The following PCDH15 variants were observed in gnomAD, a reference collection of about 807,000 sequenced individuals.
PCDH15 encodes the protein protocadherin-15.
Under a neutral mutation model 178.5 loss-of-function variants are expected in PCDH15, and 129 were observed. The ratio of observed to expected loss-of-function variants is 0.72; its 90% CI spans 0.63 to 0.84. PCDH15 has a LOEUF of 0.84. Ranked by LOEUF, PCDH15 falls within the 40% of genes least tolerant of loss-of-function variation. The pLI is 0.00. For synonymous variants in PCDH15, 800 were observed against 732.0 expected, an observed-to-expected ratio of 1.09 and a Z score of -1.50; for missense variants, 2,230 against 2,099.9, an observed-to-expected ratio of 1.06 and a Z score of -1.21.
At chr10:54,007,795 T>C (rs1013679727) in intron 20 of PCDH15, among the ~76,000 whole-genome samples, 3 of 152,210 alleles carry the variant, frequency 2.0e-5, no homozygotes, top group African/African-American at 7.2e-5. Context: ...ATGTTTCTGC[T>C]CATTTTGAAA....
rs1451667754 is a variant in PCDH15 at position 54,446,923 on chromosome 10, A to T, written c.158-67981T>A. Among the ~76,000 whole-genome samples the T allele has an allele frequency of 2.0e-5, 3 of 151,602 alleles. No individual in the cohort carries two copies. In the Admixed American group the frequency reaches 2.0e-4, roughly 10 times the overall value. ...AAAGAATGCCTATAAGATTGTTGCAACTAACTGTTGAGACCCAGAAGTCTG... is the reference window on the plus strand; with the variant it reads ...AAAGAATGCCTATAAGATTGTTGCATCTAACTGTTGAGACCCAGAAGTCTG... On this transcript the variant is annotated intron_variant, in intron 3 of 37. Transcript: ENST00000644397.
At chr10:55,364,087 C>G (rs1157352089) in intron 2 of PCDH15, among the ~76,000 whole-genome samples, 1 of 151,996 alleles carries the variant, frequency 6.6e-6, no homozygotes, top group African/African-American at 2.4e-5. Context: ...CTCACGAAAT[C>G]TATTGGTTTT....
intron 13 of PCDH15, among the ~76,000 whole-genome samples, chr10:54,172,429 G>A (rs373262276): frequency 2.0e-5 from 3 of 151,802 alleles, no homozygotes; most frequent in South Asian, 2.1e-4. Context: ...GACTCAGCCC[G>A]CCTGCACCCG....
In PCDH15 at chr10:54,231,416, T is replaced by A. The variant is rs142836994; in HGVS notation, c.985+5407A>T. ...AAGGATGTATGGAAATGTCTGGATG[T>A]CCAGGCAGAAATCTGCTGCAGGGGT... On this transcript the variant is annotated intron_variant, in intron 9 of 37. Transcript: ENST00000644397. 3.9e-3 allele frequency among the ~76,000 whole-genome samples: 595 copies of A among 152,342 alleles called. 3 individuals are homozygous for A. Among genetic ancestry groups the A allele is most frequent in the African/African-American group, 0.013 (561 of 41,582 alleles).
At chr10:55,273,449 C>A (rs1240744337) in intron 1 of PCDH15, among the ~76,000 whole-genome samples, 1 of 152,012 alleles carries the variant, frequency 6.6e-6, no homozygotes, top group Non-Finnish European at 1.5e-5. Flanking sequence ...AAGCTATTAT[C>A]TCCTATACAA....
chr10:54,970,858 G>C (rs1451831359), intron 2 of PCDH15, among the ~76,000 whole-genome samples: 1 of 152,102 alleles, frequency 6.6e-6, no homozygotes, highest in Non-Finnish European at 1.5e-5. Flanking sequence ...CTTGGGACCT[G>C]TTACTGCTTT....
At chr10:53,828,152 GC>G (rs201525448) in intron 31 of PCDH15, among the ~76,000 whole-genome samples, 1,414 of 130,614 alleles carry the variant, frequency 0.011, 31 homozygotes, top group East Asian at 0.067. Context: ...GTTGCAGTGA[GC>G]CCAGATCACG....
intron 14 of PCDH15, among the ~76,000 whole-genome samples, chr10:54,144,817 C>A (rs1375584180): frequency 6.6e-6 from 1 of 152,112 alleles, no homozygotes; most frequent in Non-Finnish European, 1.5e-5. Context: ...AAAAGATTTG[C>A]TGACTGAATC....
At chr10:55,426,275 A>T (rs996229230) in intron 2 of PCDH15, among the ~76,000 whole-genome samples, 1 of 152,040 alleles carries the variant, frequency 6.6e-6, no homozygotes, top group Non-Finnish European at 1.5e-5. Context: ...ACAGCTCTCA[A>T]CTCCTCGCAG....
intron 3 of PCDH15, among the ~76,000 whole-genome samples, chr10:54,867,824 C>T (rs1349250555): frequency 1.3e-5 from 2 of 152,062 alleles, no homozygotes; most frequent in Admixed American, 6.6e-5. Flanking sequence ...ATACTTTGTC[C>T]TCTAGCTCAG....
intron 28 of PCDH15, among the ~76,000 whole-genome samples, chr10:53,850,074 A>G (rs1319681587): frequency 6.6e-6 from 1 of 152,052 alleles, no homozygotes; most frequent in Non-Finnish European, 1.5e-5. Context: ...CATTCCTCCA[A>G]ATAATAACTA....
chr10:53,898,781 T>C (rs530064853), intron 26 of PCDH15, among the ~76,000 whole-genome samples: 1 of 152,274 alleles, frequency 6.6e-6, no homozygotes, highest in East Asian at 1.9e-4. Flanking sequence ...AGGACAGGCA[T>C]GATTGGCTCT....
At chr10:55,493,287 C>T (rs1246853912) in intron 2 of PCDH15, among the ~76,000 whole-genome samples, 4 of 150,288 alleles carry the variant, frequency 2.7e-5, no homozygotes, top group African/African-American at 9.8e-5. Flanking sequence ...GGGGCATGGT[C>T]GCTCATGCCT....
At chr10:53,861,912 T>A (rs533628276) in intron 27 of PCDH15, among the ~76,000 whole-genome samples, 235 of 152,242 alleles carry the variant, frequency 1.5e-3, no homozygotes, top group African/African-American at 5.5e-3. Flanking sequence ...ACTCACATTT[T>A]ATTAAATAAA....
At chr10:54,162,351 C>T (rs141051545) in intron 13 of PCDH15, among the ~76,000 whole-genome samples, 1 of 152,190 alleles carries the variant, frequency 6.6e-6, no homozygotes, top group African/African-American at 2.4e-5. Context: ...TATGAATGGA[C>T]AGGTATGAAA....
intron 2 of PCDH15, among the ~76,000 whole-genome samples, chr10:55,015,054 C>G (rs982633799): frequency 6.6e-6 from 1 of 151,972 alleles, no homozygotes; most frequent in Non-Finnish European, 1.5e-5. Flanking sequence ...AACCCCATCT[C>G]TACTAAGAAT....
At chr10:53,994,750 A>T (rs557768203) in intron 21 of PCDH15, 35 of 152,232 alleles carry the variant, frequency 2.3e-4, no homozygotes, top group African/African-American at 7.2e-4. Context: ...TTGATTCCAT[A>T]TAGTCACAAT....
chr10:55,337,859 C>T (rs1051040738), intron 2 of PCDH15, among the ~76,000 whole-genome samples: 7 of 146,524 alleles, frequency 4.8e-5, no homozygotes, highest in African/African-American at 1.3e-4. Context: ...AAATAATTAA[C>T]GAAATATAGA....
chr10:54,125,595 G>A (rs1352947528), intron 15 of PCDH15, among the ~76,000 whole-genome samples: 1 of 152,120 alleles, frequency 6.6e-6, no homozygotes, highest in Non-Finnish European at 1.5e-5. Context: ...CCTTAGAGAA[G>A]ACAGCATAGA....
Sources: gnomAD v4.1 joint callset for allele counts (sites outside exome capture counted in the v4.1 genomes callset) on GRCh38, gnomAD v4.1.1 for gene constraint, MANE v1.5 for transcripts, NCBI Gene and HGNC (gene_info 2026-07-23, HGNC 2026-07-21) for gene names.